The following SLA variants were observed in gnomAD, a reference collection of about 807,000 sequenced individuals.
The protein encoded by SLA is Src like adaptor.
A neutral mutation model predicts 30.3 loss-of-function variants in SLA; 16 were observed. The ratio of observed to expected loss-of-function variants is 0.53; its 90% CI spans 0.36 to 0.80. The LOEUF is 0.80. SLA is among the 30% of genes least tolerant of loss of function. The probability of loss-of-function intolerance (pLI) is 0.01; values close to 1 mark genes in which losing one functional copy is unlikely to be tolerated. For synonymous variants in SLA, 143 were observed against 137.8 expected, an observed-to-expected ratio of 1.04 and a Z score of -0.26; for missense variants, 310 against 345.2, an observed-to-expected ratio of 0.90 and a Z score of 0.81.
chr8:133,047,874 G>C lies in SLA; in HGVS notation c.308C>G (p.Thr103Arg), dbSNP rs1367456814. The C allele has an allele frequency of 6.2e-7, 1 of 1,612,602 alleles. No individual in the cohort carries two copies. Among genetic ancestry groups the C allele is most frequent in the Admixed American group, 1.7e-5 (1 of 60,024 alleles). The part of the protein sequence containing the change: ...KAEELLQLPD[T>R]KVGSFMIRES... ...TCTGATCATGAAGGAGCCGACCTTT[G>C]TGTCTGGCAGCTGCAGCAGCTCCTC... The change falls in exon 6 of 9, where the codon ACA (threonine) becomes AGA (arginine). Residue 103 changes from threonine to arginine, a missense_variant. Thr to Arg is a moderately conservative substitution (Grantham distance 71). Transcript: ENST00000338087.
intron 2 of SLA, chr8:133,073,128 G>T (rs1384755389): frequency 6.6e-6 from 1 of 152,150 alleles, no homozygotes; most frequent in Non-Finnish European, 1.5e-5. Flanking sequence ...ACTCGAAGGG[G>T]CAAAGTGACT....
intron 6 of SLA, among the ~76,000 whole-genome samples, chr8:133,046,871 G>A (rs565752751): frequency 6.6e-6 from 1 of 152,152 alleles, no homozygotes; most frequent in Admixed American, 6.5e-5. Flanking sequence ...TTTGGTGAAG[G>A]GCTCTAGCAC....
At chr8:133,091,016 A>G (rs924326673) in intron 1 of SLA, among the ~76,000 whole-genome samples, 8 of 152,002 alleles carry the variant, frequency 5.3e-5, no homozygotes, top group South Asian at 2.1e-4. Flanking sequence ...AGTGGCTTCA[A>G]CTCTACCCTG....
chr8:133,049,046 A>C (rs1442185282), intron 5 of SLA: 5 of 397,564 alleles, frequency 1.3e-5, no homozygotes, highest in Non-Finnish European at 2.6e-5. Context: ...GACACTTGAC[A>C]GATGAGGATA....
chr8:133,051,287 C>A (rs2252696), intron 3 of SLA, among the ~76,000 whole-genome samples: 75,873 of 151,982 alleles, frequency 0.5, 19,348 homozygotes, highest in Non-Finnish European at 0.53. Flanking sequence ...TTCCAGGGTC[C>A]TTAGGAGAGG....
Position 133,037,552 on chromosome 8 carries a change from C to G in SLA, c.*972G>C, listed in dbSNP as rs3739268. The stretch of plus-strand genomic sequence containing the variant: ...CTCTAATTCCATCCTAAGCCATGAG[C>G]TGATTTCTCTTTTTACACATTTGTT... On this transcript the variant is annotated 3_prime_UTR_variant, in exon 9 of 9. Transcript: ENST00000338087. 41,745 of 151,980 alleles carry G rather than the reference C, an allele frequency of 0.27. 5,986 individuals carry two copies. The highest frequency in any genetic ancestry group is 0.31 in the Non-Finnish European group (20,838 of 67,954). 9.4% of individuals were successfully genotyped at this position (151,980 alleles called of 1,614,324 possible).
At chr8:133,092,215 G>C (rs1187658686) in intron 1 of SLA, among the ~76,000 whole-genome samples, 1 of 152,216 alleles carries the variant, frequency 6.6e-6, no homozygotes, top group East Asian at 1.9e-4. Context: ...TGTGTGTGTG[G>C]ATATGTGTGC....
intron 2 of SLA, among the ~76,000 whole-genome samples, chr8:133,063,070 A>G (rs1842605082): frequency 6.6e-6 from 1 of 152,192 alleles, no homozygotes; most frequent in African/African-American, 2.4e-5. Context: ...CTCAACATGC[A>G]GAACTAACTC....
At chr8:133,050,738 C>T (rs2252805) in intron 4 of SLA, 78 bp downstream of exon 4, 530,728 of 956,210 alleles carry the variant, frequency 0.56, 153,140 homozygotes, top group African/African-American at 0.81. Flanking sequence ...ACCACTCTAG[C>T]TAACAATCAA....
intron 6 of SLA, among the ~76,000 whole-genome samples, chr8:133,046,251 G>T (rs568154484): frequency 6.6e-6 from 1 of 152,334 alleles, no homozygotes; most frequent in Admixed American, 6.5e-5. Context: ...GCTGGGCAGG[G>T]CTAAGCAATT....
chr8:133,048,329 T>C (rs745466547), intron 5 of SLA, among the ~76,000 whole-genome samples: 7 of 152,146 alleles, frequency 4.6e-5, no homozygotes, highest in Admixed American at 2.0e-4. Flanking sequence ...CAAGTGATTC[T>C]CCTGCCTCAG....
intron 1 of SLA, chr8:133,087,963 C>A (rs1303441858): frequency 6.6e-6 from 1 of 152,152 alleles, no homozygotes; most frequent in Non-Finnish European, 1.5e-5. Context: ...TTGAGTGTAC[C>A]GCAAATTCTT....
intron 1 of SLA, among the ~76,000 whole-genome samples, chr8:133,102,170 A>G (rs1224840621): frequency 6.6e-6 from 1 of 152,254 alleles, no homozygotes; most frequent in Non-Finnish European, 1.5e-5. Flanking sequence ...AATTATACAC[A>G]GAAAGCAGGA....
intron 1 of SLA, among the ~76,000 whole-genome samples, chr8:133,080,166 C>A (rs1564163644): frequency 6.6e-6 from 1 of 152,254 alleles, no homozygotes; most frequent in South Asian, 2.1e-4. Flanking sequence ...GAGGAAAAAA[C>A]ACCAGGCAAA....
intron 3 of SLA, among the ~76,000 whole-genome samples, chr8:133,058,735 C>G (rs2741199): frequency 0.3 from 45,086 of 152,150 alleles, 7,172 homozygotes; most frequent in East Asian, 0.56. Flanking sequence ...TTCTGAGTGT[C>G]GCATGGGAGA....
chr8:133,074,554 A>G (rs1844572622), intron 2 of SLA, among the ~76,000 whole-genome samples: 1 of 152,216 alleles, frequency 6.6e-6, no homozygotes, highest in South Asian at 2.1e-4. Flanking sequence ...GGCAAATCCC[A>G]ATTATCCTTT....
chr8:133,088,316 A>C (rs1846945459), intron 1 of SLA, among the ~76,000 whole-genome samples: 1 of 152,022 alleles, frequency 6.6e-6, no homozygotes. Context: ...AACCTTGCTG[A>C]TGAGTGGCCA....
chr8:133,084,237 C>T (rs1006752663), intron 1 of SLA, among the ~76,000 whole-genome samples: 40 of 152,144 alleles, frequency 2.6e-4, no homozygotes, highest in East Asian at 1.9e-4. Context: ...AAAGACTTTG[C>T]CTCTGTCTAG....
intron 7 of SLA, among the ~76,000 whole-genome samples, chr8:133,043,356 G>A (rs1663390409): frequency 1.3e-5 from 2 of 152,198 alleles, no homozygotes; most frequent in South Asian, 4.1e-4. Context: ...TCCGATGGTT[G>A]TTATTAAAAG....
Sources: allele counts gnomAD v4.1 joint callset (sites outside exome capture counted in the v4.1 genomes callset), GRCh38; gene constraint gnomAD v4.1.1; transcripts MANE v1.5; gene names NCBI Gene and HGNC (gene_info 2026-07-23, HGNC 2026-07-21).